ETV6: variants seen among roughly 807,000 people sequenced by gnomAD.
The protein encoded by ETV6 is transcription factor ETV6.
ETV6 carries 16 observed loss-of-function variants against 51.1 expected under a neutral mutation model. The ratio of observed to expected loss-of-function variants is 0.31; its 90% CI spans 0.21 to 0.48. The LOEUF is 0.48. ETV6 is among the 20% of genes least tolerant of loss of function. The pLI is 0.99. For missense variants in ETV6, 458 were observed against 594.8 expected, an observed-to-expected ratio of 0.77 and a Z score of 2.39; for synonymous variants, 240 against 224.1, an observed-to-expected ratio of 1.07 and a Z score of -0.64.
At chr12:11,848,105 G>A (rs755710347) in intron 3 of ETV6, among the ~76,000 whole-genome samples, 3 of 152,160 alleles carry the variant, frequency 2.0e-5, no homozygotes, top group Admixed American at 6.5e-5. Context: ...GTCTGTTCAC[G>A]CTTATGACAA....
At chr12:11,746,445 C>T (rs1433846304) in intron 1 of ETV6, among the ~76,000 whole-genome samples, 1 of 152,204 alleles carries the variant, frequency 6.6e-6, no homozygotes, top group Admixed American at 6.5e-5. Flanking sequence ...TTCATGGGAA[C>T]ACATACCACA....
At chr12:11,691,225 C>G (rs1006917192) in intron 1 of ETV6, among the ~76,000 whole-genome samples, 2 of 152,178 alleles carry the variant, frequency 1.3e-5, no homozygotes, top group Non-Finnish European at 2.9e-5. Context: ...GAGGCCCCAT[C>G]TCTAAATACC....
chr12:11,669,995 T>C (rs1346844706), intron 1 of ETV6, among the ~76,000 whole-genome samples: 2 of 150,830 alleles, frequency 1.3e-5, no homozygotes, highest in East Asian at 3.8e-4. Flanking sequence ...TCGATGATTC[T>C]ACCCCAATCA....
chr12:11,865,403 T>C (rs1242416482), intron 4 of ETV6, among the ~76,000 whole-genome samples: 1 of 151,796 alleles, frequency 6.6e-6, no homozygotes, highest in Non-Finnish European at 1.5e-5. Context: ...CTCATAAATG[T>C]TTTTTACAGT....
chr12:11,815,324 A>G lies in ETV6; in HGVS notation c.164-23816A>G, dbSNP rs148440348. On this transcript the variant is annotated intron_variant, in intron 2 of 7. Coordinates refer to ENST00000396373, the MANE Select transcript of ETV6 (RefSeq NM_001987.5). ...AGCCAGGACTAAAACACAAGGTTCT[A>G]ATTCCTTCTCCATGATTTCCTGATG... Among the ~76,000 whole-genome samples the G allele has an allele frequency of 3.9e-5, 6 of 152,364 alleles. No homozygotes were observed. In the East Asian group the frequency reaches 9.6e-4, roughly 24 times the overall value.
chr12:11,668,360 A>G lies in ETV6; in HGVS notation c.33+18200A>G, dbSNP rs189888780. 6.1e-3 allele frequency among the ~76,000 whole-genome samples: 871 copies of G among 142,400 alleles called. 8 individuals carry two copies. Among genetic ancestry groups the G allele is most frequent in the Middle Eastern group, 0.051 (14 of 272 alleles). The allele number at this position is 142,400 out of a possible 152,430, so 93.4% of individuals were successfully genotyped here. A position where few individuals can be genotyped will look rare whatever the true frequency, so the allele number is the denominator to read the frequency against. The stretch of plus-strand genomic sequence containing the variant: ...AGCTAACGTACTTTCCAAATTCTAA[A>G]TTGTGATGTGTGACTTGGTAAAGGA... On this transcript the variant is annotated intron_variant, in intron 1 of 7. Transcript: ENST00000396373.
intron 3 of ETV6, among the ~76,000 whole-genome samples, chr12:11,841,822 C>G (rs1386670991): frequency 6.6e-6 from 1 of 152,090 alleles, no homozygotes; most frequent in Non-Finnish European, 1.5e-5. Flanking sequence ...GTGGCTCACG[C>G]CTGTAATCCC....
intron 1 of ETV6, among the ~76,000 whole-genome samples, chr12:11,680,739 T>G (rs909461694): frequency 6.6e-6 from 1 of 152,198 alleles, no homozygotes; most frequent in Non-Finnish European, 1.5e-5. Context: ...TATGATCTCT[T>G]AGACAGTAGT....
intron 1 of ETV6, among the ~76,000 whole-genome samples, chr12:11,657,206 C>T (rs1055802627): frequency 2.6e-5 from 4 of 152,080 alleles, no homozygotes; most frequent in African/African-American, 9.7e-5. Context: ...TGTCATGAAG[C>T]AAATGAGGAA....
At chr12:11,710,842 C>T (rs558490389) in intron 1 of ETV6, among the ~76,000 whole-genome samples, 17 of 152,278 alleles carry the variant, frequency 1.1e-4, no homozygotes, top group African/African-American at 3.6e-4. Flanking sequence ...ACCTCTAGGA[C>T]ATGATGGTTA....
chr12:11,725,367 TTA>T (rs2120947009), intron 1 of ETV6, among the ~76,000 whole-genome samples: 1 of 152,304 alleles, frequency 6.6e-6, no homozygotes, highest in South Asian at 2.1e-4. Context: ...GTTATTTGCT[TTA>T]ATAAATTTTG....
intron 2 of ETV6, among the ~76,000 whole-genome samples, chr12:11,809,067 G>A (rs538267923): frequency 6.6e-6 from 1 of 152,062 alleles, no homozygotes; most frequent in Admixed American, 6.5e-5. Flanking sequence ...TGGGAGGCAT[G>A]AGGTGGGAGA....
At chr12:11,873,187 C>T (rs758291972) in intron 5 of ETV6, among the ~76,000 whole-genome samples, 1 of 152,092 alleles carries the variant, frequency 6.6e-6, no homozygotes, top group African/African-American at 2.4e-5. Context: ...TGTTTTTCTC[C>T]GAAGAAGGTA....
At chr12:11,859,702 G>A (rs994498735) in intron 4 of ETV6, among the ~76,000 whole-genome samples, 19 of 152,150 alleles carry the variant, frequency 1.2e-4, no homozygotes, top group African/African-American at 1.9e-4. Flanking sequence ...ATTCCACTGC[G>A]CAGAATGAGG....
At chr12:11,813,101 C>T (rs1444183855) in intron 2 of ETV6, among the ~76,000 whole-genome samples, 2 of 152,196 alleles carry the variant, frequency 1.3e-5, no homozygotes, top group Admixed American at 6.5e-5. Flanking sequence ...GCATGCCAGC[C>T]GGAGCCAACA....
intron 2 of ETV6, among the ~76,000 whole-genome samples, chr12:11,814,171 A>C (rs748097349): frequency 1.3e-5 from 2 of 152,230 alleles, no homozygotes; most frequent in Non-Finnish European, 2.9e-5. Context: ...AAAATGCCGA[A>C]TTACCCACTC....
At chr12:11,650,403 A>G (rs1004633214) in intron 1 of ETV6, among the ~76,000 whole-genome samples, 1 of 137,066 alleles carries the variant, frequency 7.3e-6, no homozygotes, top group African/African-American at 2.7e-5. Context: ...CTTTTTGACA[A>G]TGAAATGCCG....
At chr12:11,670,248 A>C (rs565451872) in intron 1 of ETV6, among the ~76,000 whole-genome samples, 7 of 152,300 alleles carry the variant, frequency 4.6e-5, no homozygotes, top group Admixed American at 4.6e-4. Flanking sequence ...GCAGCTTTTG[A>C]TTACAATAAT....
rs946198663 is a variant in ETV6 at position 11,724,889 on chromosome 12, G to A, written c.34-27561G>A. On this transcript the variant is annotated intron_variant, in intron 1 of 7. Transcript: ENST00000396373. ...ATCGTAGGCAGACACTGAATAAATC[G>A]CAACAGAGTTTCGGTTGTGGCTGCT... Among the ~76,000 whole-genome samples the A allele has an allele frequency of 8.5e-5, 13 of 152,290 alleles. No homozygotes were observed. The East Asian group carries it at 1.2e-3, about 14-fold the overall frequency.
Sources: allele counts gnomAD v4.1 joint callset (sites outside exome capture counted in the v4.1 genomes callset), GRCh38; gene constraint gnomAD v4.1.1; transcripts MANE v1.5; gene names NCBI Gene and HGNC (gene_info 2026-07-23, HGNC 2026-07-21).